TSGA10IP: variants seen among roughly 807,000 people sequenced by gnomAD.
TSGA10IP encodes testis specific 10 interacting protein.
In TSGA10IP, 64 loss-of-function variants were observed where a neutral mutation model predicts 63.2. The ratio of observed to expected loss-of-function variants is 1.01; its 90% CI spans 0.83 to 1.25. The LOEUF is 1.25. TSGA10IP is among the 50% of genes most tolerant of loss of function. The pLI is 0.00. For synonymous variants in TSGA10IP, 316 were observed against 298.3 expected (o/e 1.06, Z -0.61); for missense variants, 681 against 710.1 (o/e 0.96, Z 0.47).
At chr11:65,959,146 G>A (rs373627822) in intron 6 of TSGA10IP, 44 bp from the exon 7 acceptor site, 30 of 1,590,368 alleles carry the variant, frequency 1.9e-5, no homozygotes, top group African/African-American at 1.1e-4. Context: ...CCTTGCCCTC[G>A]GCAGCCCTGG....
In TSGA10IP at chr11:65,949,707, GC is replaced by G. The variant is rs552398443; in HGVS notation, c.1151+1562del. ...TGGGATTATAGGCATGAGCCACTGC[GC>G]CCAGCCACAATTCTTTTTTTAAAAT... On this transcript the variant is annotated intron_variant, in intron 4 of 7. Coordinates refer to ENST00000532620, the Ensembl canonical transcript of TSGA10IP. Among the ~76,000 whole-genome samples, 511 of 149,812 alleles carry G rather than the reference GC, an allele frequency of 3.4e-3. 3 individuals are homozygous for G. Among genetic ancestry groups the G allele is most frequent in the African/African-American group, 0.012 (480 of 40,724 alleles).
At chr11:65,947,975 C>T in intron 3 of TSGA10IP, 26 bp from the exon 4 acceptor site, 2 of 1,550,774 alleles carry the variant, frequency 1.3e-6, no homozygotes, top group Non-Finnish European at 1.7e-6. Context: ...AGAGGGCAGC[C>T]CCTGACTTGG....
chr11:65,953,759 A>G, intron 5 of TSGA10IP, 22 bp downstream of exon 5: 1 of 1,493,530 alleles, frequency 6.7e-7, no homozygotes. Context: ...GGGCTTCGGG[A>G]GGCCTGGTTG....
At chr11:65,948,387 G>A (rs763684934) in intron 4 of TSGA10IP, among the ~76,000 whole-genome samples, 1 of 151,754 alleles carries the variant, frequency 6.6e-6, no homozygotes, top group Non-Finnish European at 1.5e-5. Flanking sequence ...CTCAATACCT[G>A]GCCAATTATC....
At chr11:65,950,648 C>T (rs1045526336) in intron 4 of TSGA10IP, among the ~76,000 whole-genome samples, 5 of 152,078 alleles carry the variant, frequency 3.3e-5, no homozygotes, top group Admixed American at 6.6e-5. Flanking sequence ...CTGCAAGCTC[C>T]GCCTCCCGGG....
At chr11:65,959,022 T>C in intron 6 of TSGA10IP, 40 bp downstream of exon 6, 1 of 1,605,274 alleles carries the variant, frequency 6.2e-7, no homozygotes, top group African/African-American at 1.3e-5. Flanking sequence ...CTGCCCCCTG[T>C]GAAGAGCTGG....
intron 1 of TSGA10IP, 107 bp from the exon 2 acceptor site, chr11:65,946,773 A>ACCCAGCCAGG: frequency 4.5e-6 from 6 of 1,326,354 alleles, no homozygotes; most frequent in Non-Finnish European, 6.2e-6. Flanking sequence ...GCCCAGAGGG[A>ACCCAGCCAGG]CCCAGCCAGG....
chr11:65,954,323 G>T lies in TSGA10IP; in HGVS notation c.1322+586G>T, dbSNP rs1423243557. Among the ~76,000 whole-genome samples, 2 of 145,710 alleles carry T rather than the reference G, an allele frequency of 1.4e-5. 1 individual carries two copies. Among genetic ancestry groups the T allele is most frequent in the Non-Finnish European group, 3.0e-5 (2 of 65,936 alleles). ...TGAGACTACAGGCGCCCGCCACCAC[G>T]CCCGGCTAATTTTTTTTTTTTTTTG... On this transcript the variant is annotated intron_variant, in intron 5 of 7. Transcript: ENST00000532620.
At chr11:65,955,925 C>T (rs1855016290) in intron 5 of TSGA10IP, among the ~76,000 whole-genome samples, 1 of 152,174 alleles carries the variant, frequency 6.6e-6, no homozygotes, top group African/African-American at 2.4e-5. Flanking sequence ...AGAGCCCAAA[C>T]CAATGACACA....
At chr11:65,959,422 A>G in intron 7 of TSGA10IP, 108 bp downstream of exon 7, 2 of 1,476,622 alleles carry the variant, frequency 1.4e-6, no homozygotes, top group Non-Finnish European at 1.8e-6. Context: ...ACAGGCAGAG[A>G]GCCCAGAGGA....
At chr11:65,953,879 C>T (rs1047474507) in intron 5 of TSGA10IP, 142 bp downstream of exon 5, 6 of 619,342 alleles carry the variant, frequency 9.7e-6, no homozygotes, top group Non-Finnish European at 1.5e-5. Context: ...CAGATAAGGA[C>T]GCTGAGGCAT....
At chr11:65,947,082 C>A (rs1385826199) in intron 2 of TSGA10IP, 28 bp from the exon 3 acceptor site, 1 of 1,609,038 alleles carries the variant, frequency 6.2e-7, no homozygotes, top group Non-Finnish European at 8.5e-7. Flanking sequence ...CTGGCGCCGA[C>A]CCTGACCCCC....
rs574336217 is a variant in TSGA10IP at position 65,945,830 on chromosome 11, A to T, written c.147+8A>T. The T allele has an allele frequency of 1.9e-6, 3 of 1,612,990 alleles. No homozygotes were observed. The Admixed American group carries it at 5.0e-5, about 27-fold the overall frequency. On this transcript the variant is annotated splice_region_variant and intron_variant, in intron 1 of 7. Coordinates refer to ENST00000532620, the Ensembl canonical transcript of TSGA10IP. The stretch of plus-strand genomic sequence containing the variant: ...GTCTCTCAGGACAAGCAGGTGAGGG[A>T]GGCCCAGTGAGGACACTTCCAGCTG...
chr11:65,958,656 C>T (rs944268059), intron 5 of TSGA10IP, among the ~76,000 whole-genome samples: 8 of 152,230 alleles, frequency 5.3e-5, no homozygotes, highest in Non-Finnish European at 1.0e-4. Flanking sequence ...AGCTGCACAA[C>T]TTTGAACAAG....
At chr11:65,953,035 T>C (rs1854965988) in intron 4 of TSGA10IP, among the ~76,000 whole-genome samples, 2 of 150,504 alleles carry the variant, frequency 1.3e-5, no homozygotes, top group South Asian at 2.1e-4. Context: ...TCTTTCTTTT[T>C]TTTTTTTTTT....
In TSGA10IP at chr11:65,945,663, G is replaced by GGGATGGGGCA. The variant is rs753520045; in HGVS notation, c.2_11dup. ...TTAGGCAGTTCTACGGTGCGGATGG[G>GGGATGGGGCA]GGATGGGGCAGGATGGGGCAGGACA... On this transcript the variant is annotated 5_prime_UTR_variant, in exon 1 of 8. It adds an upstream start codon to the 5' untranslated region. Transcript: ENST00000532620. 6 of 1,612,744 alleles carry GGGATGGGGCA rather than the reference G, an allele frequency of 3.7e-6. No individual in the cohort carries two copies. Among genetic ancestry groups the GGGATGGGGCA allele is most frequent in the Non-Finnish European group, 4.2e-6 (5 of 1,179,034 alleles).
At chr11:65,955,448 A>G (rs915821489) in intron 5 of TSGA10IP, among the ~76,000 whole-genome samples, 2 of 152,006 alleles carry the variant, frequency 1.3e-5, no homozygotes, top group Admixed American at 6.6e-5. Context: ...TATACTAAAA[A>G]ATATATATAC....
intron 4 of TSGA10IP, among the ~76,000 whole-genome samples, chr11:65,949,861 T>TG (rs1565306551): frequency 2.1e-5 from 3 of 144,856 alleles, no homozygotes; most frequent in South Asian, 4.6e-4. Context: ...TTTTTTTTTT[T>TG]TTTTTTTTTT....
chr11:65,948,278 ATCC>A, intron 4 of TSGA10IP, 130 bp downstream of exon 4: 1 of 497,454 alleles, frequency 2.0e-6, no homozygotes, highest in African/African-American at 4.0e-5. Flanking sequence ...CTTTTGGATC[ATCC>A]ATCCATCCAT....
Sources: gnomAD v4.1 joint callset for allele counts (sites outside exome capture counted in the v4.1 genomes callset) on GRCh38, gnomAD v4.1.1 for gene constraint, MANE v1.5 for transcripts, NCBI Gene and HGNC (gene_info 2026-07-23, HGNC 2026-07-21) for gene names.